The following CELF2 variants were observed in gnomAD, a reference collection of about 807,000 sequenced individuals.
The protein encoded by CELF2 is CUG triplet repeat RNA-binding protein 2.
In CELF2, 8 loss-of-function variants were observed where a neutral mutation model predicts 62.6. The observed-to-expected ratio is 0.13, with a 90% CI of 0.07 to 0.23. The LOEUF is 0.23. Among genes scored for constraint, CELF2 ranks in the 10% least tolerant of loss-of-function variants. CELF2 has a pLI of 1.00. For missense variants in CELF2, 333 were observed against 671.0 expected (o/e 0.50, Z 5.56); for synonymous variants, 258 against 250.0 (o/e 1.03, Z -0.30).
chr10:11,271,904 A>G (rs1340029221), intron 7 of CELF2, among the ~76,000 whole-genome samples: 2 of 152,148 alleles, frequency 1.3e-5, no homozygotes, highest in Admixed American at 1.3e-4. Flanking sequence ...CGGACATATG[A>G]GGAAAGGGAG....
At chr10:10,958,553 T>G (rs551542115) in intron 2 of CELF2, among the ~76,000 whole-genome samples, 1 of 152,310 alleles carries the variant, frequency 6.6e-6, no homozygotes, top group East Asian at 1.9e-4. Flanking sequence ...ACCTCTCAAC[T>G]GTGTTCGAAA....
the CELF2 span, among the ~76,000 whole-genome samples, chr10:10,685,082 G>A: frequency 6.6e-6 from 1 of 152,098 alleles, no homozygotes; most frequent in Non-Finnish European, 1.5e-5. Context: ...GTCAGGGCAA[G>A]TTAAGTGCAG....
chr10:11,261,873 G>A (rs1285425499), intron 5 of CELF2, among the ~76,000 whole-genome samples: 1 of 152,200 alleles, frequency 6.6e-6, no homozygotes, highest in Non-Finnish European at 1.5e-5. Flanking sequence ...AAGTTTCTAA[G>A]CCAAATGTGC....
chr10:10,691,778 T>C, the CELF2 span, among the ~76,000 whole-genome samples: 1 of 147,728 alleles, frequency 6.8e-6, no homozygotes, highest in East Asian at 2.1e-4. Context: ...CATTTTTTCA[T>C]GTGTTTTTTG....
chr10:11,088,628 G>A (rs1309590836), intron 1 of CELF2, among the ~76,000 whole-genome samples: 1 of 152,120 alleles, frequency 6.6e-6, no homozygotes, highest in African/African-American at 2.4e-5. Context: ...CATGTCTTAG[G>A]CAGAGGGAGC....
At chr10:10,594,362 G>A in the CELF2 span, among the ~76,000 whole-genome samples, 1 of 150,826 alleles carries the variant, frequency 6.6e-6, no homozygotes, top group East Asian at 1.9e-4. Context: ...TAGGAATACA[G>A]GCTTATGGGC....
chr10:11,099,277 A>T (rs758707414), intron 1 of CELF2, among the ~76,000 whole-genome samples: 5 of 152,218 alleles, frequency 3.3e-5, no homozygotes, highest in Non-Finnish European at 7.3e-5. Context: ...CATCCATCAC[A>T]TTGTACAGTG....
intron 2 of CELF2, among the ~76,000 whole-genome samples, chr10:11,199,881 T>C (rs1213898567): frequency 6.6e-6 from 1 of 152,182 alleles, no homozygotes; most frequent in African/African-American, 2.4e-5. Flanking sequence ...AACCTGGAAG[T>C]GTCCTAATTG....
At chr10:11,028,142 C>A (rs1374118114) in intron 1 of CELF2, among the ~76,000 whole-genome samples, 1 of 152,114 alleles carries the variant, frequency 6.6e-6, no homozygotes, top group East Asian at 1.9e-4. Flanking sequence ...ATTCTTTTTT[C>A]TTCCCCTCAC....
chr10:11,128,456 A>G (rs1235687173), intron 1 of CELF2, among the ~76,000 whole-genome samples: 1 of 152,154 alleles, frequency 6.6e-6, no homozygotes, highest in Non-Finnish European at 1.5e-5. Context: ...CAATCTATAA[A>G]TTACCTTGGG....
chr10:11,329,176 T>A lies in CELF2; in HGVS notation c.*123T>A, dbSNP rs1346300412. ...TGCCAACTTTTACCAAGAGAGACGGTTATTTTTACAATAAGGCCTCCATGT... is the reference window on the plus strand; with the variant it reads ...TGCCAACTTTTACCAAGAGAGACGGATATTTTTACAATAAGGCCTCCATGT... On this transcript the variant is annotated 3_prime_UTR_variant, in exon 13 of 13. Coordinates refer to ENST00000633077, the MANE Select transcript of CELF2 (RefSeq NM_001326342.2). The surrounding 1 kb of genome is among the most constrained non-coding windows in gnomAD (Gnocchi z 5.5). The A allele has an allele frequency of 1.9e-5, 21 of 1,080,156 alleles. No individual in the cohort carries two copies. The East Asian group carries it at 5.6e-4, about 29-fold the overall frequency. The allele number at this position is 1,080,156 out of a possible 1,614,324, so 66.9% of individuals were successfully genotyped here.
intron 1 of CELF2, among the ~76,000 whole-genome samples, chr10:10,810,547 G>T (rs902312623): frequency 2.0e-5 from 3 of 152,142 alleles, no homozygotes; most frequent in Non-Finnish European, 2.9e-5. Context: ...TGAGTGGCTG[G>T]AATGGGAAGG....
intron 1 of CELF2, among the ~76,000 whole-genome samples, chr10:11,134,044 A>C (rs2060019555): frequency 6.6e-6 from 1 of 152,186 alleles, no homozygotes; most frequent in African/African-American, 2.4e-5. Flanking sequence ...CTTTGCATAG[A>C]CTGTAAATGA....
intron 1 of CELF2, among the ~76,000 whole-genome samples, chr10:10,841,228 A>G (rs887805623): frequency 6.6e-6 from 1 of 152,038 alleles, no homozygotes; most frequent in Non-Finnish European, 1.5e-5. Context: ...GCTGGGTCAA[A>G]TGGTATTTCT....
chr10:10,932,294 G>A (rs1243131169), intron 2 of CELF2, among the ~76,000 whole-genome samples: 5 of 152,152 alleles, frequency 3.3e-5, no homozygotes, highest in Admixed American at 3.3e-4. Flanking sequence ...AAAAGGTACA[G>A]AGATTCACTG....
At chr10:11,163,525 T>C (rs113150936) in intron 1 of CELF2, among the ~76,000 whole-genome samples, 2,936 of 152,276 alleles carry the variant, frequency 0.019, 96 homozygotes, top group African/African-American at 0.067. Flanking sequence ...GATAGGTGCA[T>C]AAGAACAAGA....
chr10:10,908,213 G>GCTTTTTT (rs1564802363), intron 1 of CELF2, among the ~76,000 whole-genome samples: 1 of 26,536 alleles, frequency 3.8e-5, no homozygotes, highest in Non-Finnish European at 6.7e-5. Context: ...TGTATGAGGG[G>GCTTTTTT]ATTTTTTTTT....
At chr10:10,770,418 G>T in the CELF2 span, among the ~76,000 whole-genome samples, 1 of 151,998 alleles carries the variant, frequency 6.6e-6, no homozygotes, top group Non-Finnish European at 1.5e-5. Context: ...GTCTGCTGGG[G>T]TGGAGGCACT....
chr10:11,294,583 C>T (rs904607329), intron 9 of CELF2, among the ~76,000 whole-genome samples: 1 of 152,190 alleles, frequency 6.6e-6, no homozygotes, highest in African/African-American at 2.4e-5. Context: ...CAGAGTCAAG[C>T]CAGTTGGTAA....
Sources: allele counts gnomAD v4.1 joint callset (sites outside exome capture counted in the v4.1 genomes callset), GRCh38; gene constraint gnomAD v4.1.1; non-coding constraint Gnocchi (gnomAD v3.1); transcripts MANE v1.5; gene names NCBI Gene and HGNC (gene_info 2026-07-23, HGNC 2026-07-21).